The following DNAJA2 variants were observed in gnomAD, a reference collection of about 807,000 sequenced individuals.
DNAJA2 encodes the protein dnaJ homolog subfamily A member 2.
DNAJA2 carries 6 observed loss-of-function variants against 49.3 expected under a neutral mutation model. The ratio of observed to expected loss-of-function variants is 0.12; its 90% CI spans 0.07 to 0.24. DNAJA2 has a LOEUF of 0.24. Ranked by LOEUF, DNAJA2 falls within the 10% of genes least tolerant of loss-of-function variation. DNAJA2 has a pLI of 1.00. For missense variants in DNAJA2, 347 were observed against 516.8 expected (o/e 0.67, Z 3.19); for synonymous variants, 160 against 172.7 (o/e 0.93, Z 0.58).
Position 46,967,604 on chromosome 16 carries a change from A to G in DNAJA2, c.486T>C (p.Cys162=), listed in dbSNP as rs1452758560. The change falls in exon 5 of 9, where the codon TGT becomes TGC. Residue 162 remains cysteine (C), a synonymous_variant. Transcript: ENST00000317089. ...KSGAVQKCSA[C]RGRGVRIMIR... is the part of the protein sequence containing the mutation. Reference sequence around the variant, plus strand: ...TCATGATGCGCACACCTCGACCTCGACAAGCACTACACTTTTGGACAGCTC... The same window carrying G: ...TCATGATGCGCACACCTCGACCTCGGCAAGCACTACACTTTTGGACAGCTC... The G allele has an allele frequency of 6.2e-7, 1 of 1,614,054 alleles. No homozygotes were observed. Among genetic ancestry groups the G allele is most frequent in the Non-Finnish European group, 8.5e-7 (1 of 1,180,054 alleles).
Position 46,956,847 on chromosome 16 carries a change from A to G in DNAJA2, c.*182T>C. On this transcript the variant is annotated 3_prime_UTR_variant, in exon 9 of 9. Transcript: ENST00000317089. Reference sequence around the variant, plus strand: ...TATGGAACAGTCAAAATGAAGATGTAAAGCTTTGTGGTTAGTTTAAATTAT... The same window carrying G: ...TATGGAACAGTCAAAATGAAGATGTGAAGCTTTGTGGTTAGTTTAAATTAT... 1 of 657,122 alleles carries G rather than the reference A, an allele frequency of 1.5e-6. No homozygotes were observed. Among genetic ancestry groups the G allele is most frequent in the East Asian group, 2.6e-5 (1 of 37,984 alleles). 40.7% of individuals were successfully genotyped at this position (657,122 alleles called of 1,614,324 possible). A position where few individuals can be genotyped will look rare whatever the true frequency, so the allele number is the denominator to read the frequency against.
At chr16:46,963,799 A>C (rs1157502683) in intron 6 of DNAJA2, among the ~76,000 whole-genome samples, 4 of 152,204 alleles carry the variant, frequency 2.6e-5, no homozygotes, top group Admixed American at 2.6e-4. Context: ...TTTCAAGGAT[A>C]GCTCACTTGG....
chr16:46,964,254 C>T (rs1315507752), intron 6 of DNAJA2, among the ~76,000 whole-genome samples: 1 of 152,038 alleles, frequency 6.6e-6, no homozygotes, highest in African/African-American at 2.4e-5. Flanking sequence ...TGCCTGTAGT[C>T]CCAACTACTC....
chr16:46,973,172 G>A (rs1428626408), intron 1 of DNAJA2, among the ~76,000 whole-genome samples: 1 of 152,170 alleles, frequency 6.6e-6, no homozygotes. Flanking sequence ...AGGACCGGGC[G>A]AGCTGCTGCC....
chr16:46,971,581 A>C lies in DNAJA2; in HGVS notation c.139-9T>G. On this transcript the variant is annotated splice_polypyrimidine_tract_variant and intron_variant, in intron 2 of 8. Coordinates refer to ENST00000317089, the MANE Select transcript of DNAJA2 (RefSeq NM_005880.4). The stretch of plus-strand genomic sequence containing the variant: ...AAACTTATTTCTTTAAACTATAAAG[A>C]AAAGGTAAAAATAAAAATAATTGCA... The C allele has an allele frequency of 6.4e-7, 1 of 1,560,354 alleles. No homozygotes were observed. The highest frequency in any genetic ancestry group is 8.6e-7 in the Non-Finnish European group (1 of 1,158,198).
At chr16:46,960,604 C>T (rs1961882616) in intron 6 of DNAJA2, among the ~76,000 whole-genome samples, 1 of 151,854 alleles carries the variant, frequency 6.6e-6, no homozygotes, top group Admixed American at 6.6e-5. Flanking sequence ...TATGGTGAAA[C>T]CCCATCTCTA....
chr16:46,958,976 CTGT>C, intron 8 of DNAJA2, 24 bp downstream of exon 8: 1 of 1,560,824 alleles, frequency 6.4e-7, no homozygotes, highest in African/African-American at 1.4e-5. Flanking sequence ...TGGAAGTCAA[CTGT>C]TGTTTAATTT....
intron 6 of DNAJA2, among the ~76,000 whole-genome samples, chr16:46,962,773 T>C (rs1174777073): frequency 6.6e-6 from 1 of 152,212 alleles, no homozygotes; most frequent in African/African-American, 2.4e-5. Flanking sequence ...GGGTTGGCAA[T>C]TTCCACAAAA....
intron 3 of DNAJA2, among the ~76,000 whole-genome samples, chr16:46,969,398 A>G (rs1300712917): frequency 6.6e-6 from 1 of 152,242 alleles, no homozygotes; most frequent in Non-Finnish European, 1.5e-5. Context: ...TCTGCATAAC[A>G]AATCATTTAA....
intron 6 of DNAJA2, among the ~76,000 whole-genome samples, chr16:46,963,021 A>C (rs1048439831): frequency 6.6e-6 from 1 of 152,250 alleles, no homozygotes; most frequent in Non-Finnish European, 1.5e-5. Flanking sequence ...TATAACCTTT[A>C]AATTATAAAT....
chr16:46,957,027 G>C lies in DNAJA2; in HGVS notation c.*2C>G. 1 of 1,614,202 alleles carries C rather than the reference G, an allele frequency of 6.2e-7. No individual in the cohort carries two copies. The highest frequency in any genetic ancestry group is 1.1e-5 in the South Asian group (1 of 91,090). ...TCCACCTGTGCAATTTGTTTGCAGA[G>C]TTTACTGATGGGCACACTGCACTCC... is the stretch of plus-strand genomic sequence containing the variant. On this transcript the variant is annotated 3_prime_UTR_variant, in exon 9 of 9. Transcript: ENST00000317089.
rs918476639 is a variant in DNAJA2 at position 46,965,437 on chromosome 16, C to T, written c.578-630G>A. Among the ~76,000 whole-genome samples the T allele has an allele frequency of 2.0e-5, 3 of 152,160 alleles. No homozygotes were observed. In the South Asian group the frequency reaches 6.2e-4, roughly 32 times the overall value. ...TCACTTTCTAATGGCTAATTACCAGCACATTTGAAGGCTTAGAAAGAAGTG... is the reference window on the plus strand; with the variant it reads ...TCACTTTCTAATGGCTAATTACCAGTACATTTGAAGGCTTAGAAAGAAGTG... On this transcript the variant is annotated intron_variant, in intron 5 of 8. Transcript: ENST00000317089.
rs1961800447 is a variant in DNAJA2 at position 46,955,835 on chromosome 16, TG to T, written c.*1193del. On this transcript the variant is annotated 3_prime_UTR_variant, in exon 9 of 9. Transcript: ENST00000317089. ...CAACATCCGTTTCATCAATTTTACC[TG>T]ATTTTTCTCAAACCAGCCTTTTTTT... The T allele has an allele frequency of 6.6e-6, 1 of 152,124 alleles. No individual in the cohort carries two copies. The highest frequency in any genetic ancestry group is 2.4e-5 in the African/African-American group (1 of 41,448). 9.4% of individuals were successfully genotyped at this position (152,124 alleles called of 1,614,324 possible). A position where few individuals can be genotyped will look rare whatever the true frequency, so the allele number is the denominator to read the frequency against.
At chr16:46,972,069 A>C (rs947577052) in intron 1 of DNAJA2, 114 bp from the exon 2 acceptor site, 2 of 770,854 alleles carry the variant, frequency 2.6e-6, no homozygotes, top group African/African-American at 3.5e-5. Context: ...TAACCTTTCA[A>C]AAATATTTTC....
At chr16:46,969,769 G>A (rs1962019946) in intron 3 of DNAJA2, among the ~76,000 whole-genome samples, 1 of 152,170 alleles carries the variant, frequency 6.6e-6, no homozygotes, top group African/African-American at 2.4e-5. Flanking sequence ...TATAAACATA[G>A]TATTTGTAAT....
intron 4 of DNAJA2, among the ~76,000 whole-genome samples, 188 bp from the exon 5 acceptor site, chr16:46,967,834 C>CT (rs1302643567): frequency 2.6e-5 from 4 of 152,172 alleles, no homozygotes; most frequent in African/African-American, 4.8e-5. Context: ...GAGTCTCACT[C>CT]TGTCACCCAG....
chr16:46,971,432 A>G lies in DNAJA2; in HGVS notation c.279T>C (p.Gly93=). The change falls in exon 3 of 9, where the codon GGT becomes GGC. Residue 93 remains glycine (G), a synonymous_variant. Transcript: ENST00000317089. The part of the protein sequence containing the change: ...GMDDIFSHIF[G]GGLFGFMGNQ... ...TGCCCATGAAGCCGAACAATCCCCC[A>G]CCAAAAATGTGAGAGAAAATATCAT... 6.2e-7 allele frequency: 1 copy of G among 1,613,912 alleles called. No individual in the cohort carries two copies.
At chr16:46,960,710 C>T (rs960640670) in intron 6 of DNAJA2, among the ~76,000 whole-genome samples, 5 of 151,838 alleles carry the variant, frequency 3.3e-5, no homozygotes, top group African/African-American at 9.7e-5. Context: ...ACCTGGGAGG[C>T]GGAGGCTGCA....
intron 3 of DNAJA2, among the ~76,000 whole-genome samples, chr16:46,968,644 T>C (rs1193130835): frequency 6.6e-6 from 1 of 152,198 alleles, no homozygotes; most frequent in East Asian, 1.9e-4. Flanking sequence ...ATGGACAATT[T>C]AGAAAGGCTA....
Sources: allele counts gnomAD v4.1 joint callset (sites outside exome capture counted in the v4.1 genomes callset), GRCh38; gene constraint gnomAD v4.1.1; transcripts MANE v1.5; gene names NCBI Gene and HGNC (gene_info 2026-07-23, HGNC 2026-07-21).